The following MGAT4C variants were observed in gnomAD, a reference collection of about 807,000 sequenced individuals.
The protein encoded by MGAT4C is MGAT4 family member C.
In MGAT4C, 19 loss-of-function variants were observed where a neutral mutation model predicts 40.1. The observed-to-expected ratio is 0.47, with a 90% CI of 0.33 to 0.70. MGAT4C has a LOEUF of 0.70. MGAT4C is among the 30% of genes least tolerant of loss of function. The pLI is 0.02. For missense variants in MGAT4C, 491 were observed against 563.2 expected (o/e 0.87, Z 1.30); for synonymous variants, 181 against 187.1 (o/e 0.97, Z 0.27).
intron 2 of MGAT4C, among the ~76,000 whole-genome samples, chr12:86,674,380 C>T (rs1171931488): frequency 6.6e-6 from 1 of 151,960 alleles, no homozygotes; most frequent in Non-Finnish European, 1.5e-5. Context: ...TACATGTGCA[C>T]CATAAGATAG....
At chr12:86,221,420 T>C (rs942554386) in intron 1 of MGAT4C, among the ~76,000 whole-genome samples, 1 of 152,154 alleles carries the variant, frequency 6.6e-6, no homozygotes. Context: ...GTGAATTCCA[T>C]ACTGAGGACT....
chr12:86,348,286 T>C (rs1484607574), intron 3 of MGAT4C, among the ~76,000 whole-genome samples: 2 of 152,148 alleles, frequency 1.3e-5, no homozygotes, highest in African/African-American at 2.4e-5. Flanking sequence ...CATTCACTCC[T>C]TAATCTTTTT....
intron 1 of MGAT4C, among the ~76,000 whole-genome samples, chr12:86,251,131 GTTTTT>G (rs5799770): frequency 7.2e-6 from 1 of 138,108 alleles, no homozygotes; most frequent in Admixed American, 7.2e-5. Context: ...TTTATTTCCC[GTTTTT>G]TTTTTTTTTT....
At chr12:86,268,772 T>C (rs1311999837) in intron 4 of MGAT4C, among the ~76,000 whole-genome samples, 1 of 141,974 alleles carries the variant, frequency 7.0e-6, no homozygotes, top group Non-Finnish European at 1.6e-5. Flanking sequence ...AATAAATTCA[T>C]TTTTATTGTT....
At chr12:86,673,809 G>A (rs937278368) in intron 2 of MGAT4C, among the ~76,000 whole-genome samples, 3 of 151,772 alleles carry the variant, frequency 2.0e-5, no homozygotes, top group Admixed American at 6.6e-5. Flanking sequence ...ACTGTTTGAC[G>A]TATATGGATC....
At chr12:86,083,333 T>C (rs1871191310) in intron 1 of MGAT4C, among the ~76,000 whole-genome samples, 1 of 152,112 alleles carries the variant, frequency 6.6e-6, no homozygotes, top group Non-Finnish European at 1.5e-5. Context: ...TTCTCAGTAC[T>C]GCTACCAGAT....
intron 2 of MGAT4C, among the ~76,000 whole-genome samples, chr12:86,577,823 C>T (rs1960623957): frequency 6.6e-6 from 1 of 151,758 alleles, no homozygotes; most frequent in Admixed American, 6.6e-5. Flanking sequence ...ACCACTAATA[C>T]AAGTCTCCAA....
At chr12:86,572,007 G>A (rs1046773686) in intron 2 of MGAT4C, among the ~76,000 whole-genome samples, 5 of 152,030 alleles carry the variant, frequency 3.3e-5, no homozygotes, top group African/African-American at 4.8e-5. Context: ...AACTTAAAGC[G>A]ATAATTTGTG....
At chr12:86,509,351 G>T (rs1390373649) in intron 2 of MGAT4C, among the ~76,000 whole-genome samples, 2 of 152,090 alleles carry the variant, frequency 1.3e-5, no homozygotes, top group East Asian at 1.9e-4. Flanking sequence ...TCTCAGGTTT[G>T]TCAAAGATCA....
chr12:86,532,862 T>C (rs1592958570), intron 2 of MGAT4C, among the ~76,000 whole-genome samples: 1 of 151,998 alleles, frequency 6.6e-6, no homozygotes, highest in South Asian at 2.1e-4. Flanking sequence ...TGGATAGAGT[T>C]AGATTTGACC....
At chr12:86,138,858 T>C (rs1593047129) in intron 1 of MGAT4C, among the ~76,000 whole-genome samples, 1 of 151,940 alleles carries the variant, frequency 6.6e-6, no homozygotes, top group Non-Finnish European at 1.5e-5. Flanking sequence ...ACTTTCCTTA[T>C]AAATTAGCAG....
At chr12:86,374,533 A>G (rs946588037) in intron 3 of MGAT4C, among the ~76,000 whole-genome samples, 1 of 152,170 alleles carries the variant, frequency 6.6e-6, no homozygotes, top group Non-Finnish European at 1.5e-5. Context: ...GGCAATCAAT[A>G]TATTAAATTT....
At chr12:86,407,492 T>G (rs1956497822) in intron 3 of MGAT4C, among the ~76,000 whole-genome samples, 1 of 152,108 alleles carries the variant, frequency 6.6e-6, no homozygotes, top group African/African-American at 2.4e-5. Context: ...CAGACCTCAC[T>G]ATTTATGGGG....
intron 1 of MGAT4C, among the ~76,000 whole-genome samples, chr12:86,139,812 A>G (rs2135735343): frequency 6.6e-6 from 1 of 152,288 alleles, no homozygotes; most frequent in African/African-American, 2.4e-5. Context: ...TATCAACTTT[A>G]TATTCATAAT....
At chr12:86,687,142 C>A (rs1950087381) in intron 2 of MGAT4C, among the ~76,000 whole-genome samples, 1 of 152,064 alleles carries the variant, frequency 6.6e-6, no homozygotes, top group African/African-American at 2.4e-5. Context: ...GAGGTGTTTA[C>A]AGTATTCTTT....
At chr12:86,399,717 A>G in intron 3 of MGAT4C, among the ~76,000 whole-genome samples, 1 of 152,192 alleles carries the variant, frequency 6.6e-6, no homozygotes, top group East Asian at 1.9e-4. Flanking sequence ...AGGAAGGTGA[A>G]CAGGAACTCA....
chr12:86,266,619 CT>C (rs1280814410), intron 4 of MGAT4C, among the ~76,000 whole-genome samples: 1 of 151,974 alleles, frequency 6.6e-6, no homozygotes, highest in Non-Finnish European at 1.5e-5. Flanking sequence ...GTGTCCTTGT[CT>C]GGTTTTGGTA....
intron 1 of MGAT4C, among the ~76,000 whole-genome samples, chr12:86,760,827 A>G (rs892223146): frequency 6.6e-6 from 1 of 152,212 alleles, no homozygotes; most frequent in Non-Finnish European, 1.5e-5. Context: ...ATTATGTGGA[A>G]TGAAAGAAGC....
At chr12:86,552,026 C>CAAA (rs201076856) in intron 2 of MGAT4C, among the ~76,000 whole-genome samples, 14 of 60,666 alleles carry the variant, frequency 2.3e-4, no homozygotes, top group East Asian at 1.6e-3. Flanking sequence ...TTAAAAAAAG[C>CAAA]AAAAAAAAAA....
Sources: allele counts gnomAD v4.1 joint callset (sites outside exome capture counted in the v4.1 genomes callset), GRCh38; gene constraint gnomAD v4.1.1; transcripts MANE v1.5; gene names NCBI Gene and HGNC (gene_info 2026-07-23, HGNC 2026-07-21).